Variants in FASTKD2 observed in about 807,000 individuals in gnomAD.
The protein encoded by FASTKD2 is FAST kinase domains 2.
Under a neutral mutation model 63.6 loss-of-function variants are expected in FASTKD2, and 51 were observed. That is an observed-to-expected ratio of 0.80 (90% CI 0.64 to 1.01). FASTKD2 has a LOEUF of 1.01. Among genes scored for constraint, FASTKD2 ranks in the 50% least tolerant of loss-of-function variants. The pLI, the probability that FASTKD2 is intolerant of heterozygous loss-of-function variation, is 0.00. For synonymous variants in FASTKD2, 284 were observed against 293.4 expected, an observed-to-expected ratio of 0.97 and a Z score of 0.33; for missense variants, 786 against 831.1, an observed-to-expected ratio of 0.95 and a Z score of 0.67.
chr2:206,780,739 C>T (rs1289809533), intron 7 of FASTKD2, among the ~76,000 whole-genome samples: 3 of 152,236 alleles, frequency 2.0e-5, no homozygotes, highest in South Asian at 2.1e-4. Context: ...ACCCATAATG[C>T]ACACATTGGT....
At chr2:206,782,421 C>A (rs755658051) in intron 7 of FASTKD2, among the ~76,000 whole-genome samples, 18 of 152,208 alleles carry the variant, frequency 1.2e-4, no homozygotes, top group Non-Finnish European at 2.2e-4. Context: ...GCTGTGAGAA[C>A]TGGACCTTCT....
chr2:206,770,032 G>A (rs1574662970), intron 2 of FASTKD2, 59 bp from the exon 3 acceptor site: 2 of 1,103,940 alleles, frequency 1.8e-6, no homozygotes, highest in East Asian at 4.7e-5. Flanking sequence ...TTTTGCTTGG[G>A]TAAGATAGTT....
chr2:206,786,472 A>G (rs529549552), intron 7 of FASTKD2: 1 of 418,882 alleles, frequency 2.4e-6, no homozygotes, highest in South Asian at 2.4e-5. Flanking sequence ...TTTTTAAATG[A>G]GGAGAATAAT....
rs369390972 is a variant in FASTKD2 at position 206,774,177 on chromosome 2, G to A, written c.1255-48G>A. 4.5e-6 allele frequency: 6 copies of A among 1,327,494 alleles called. No homozygotes were observed. The African/African-American group carries it at 8.6e-5, about 19-fold the overall frequency. The allele number at this position is 1,327,494 out of a possible 1,614,324, so 82.2% of individuals were successfully genotyped here. On this transcript the variant is annotated intron_variant, in intron 6 of 11. Coordinates refer to ENST00000402774, the MANE Select transcript of FASTKD2 (RefSeq NM_001136193.2). ...TTTGAGATCTAAAAAATTACTATTA[G>A]CATACTGTAATTATTATAGAGTTTT...
At chr2:206,766,588 T>C in intron 1 of FASTKD2, 56 bp from the exon 2 acceptor site, 1 of 988,486 alleles carries the variant, frequency 1.0e-6, no homozygotes. Context: ...ATTTCATTTC[T>C]TTAAGTAAAA....
rs150195745 is a variant in FASTKD2 at position 206,767,404 on chromosome 2, C to T, written c.711C>T (p.His237=). The T allele has an allele frequency of 5.9e-5, 95 of 1,613,492 alleles. No individual in the cohort carries two copies. Among genetic ancestry groups the T allele is most frequent in the African/African-American group, 1.2e-4 (9 of 74,936 alleles). The stretch of plus-strand genomic sequence containing the variant: ...ATAAGTACCTACTGTTCAGTCTTCA[C>T]GCCATAGTGAAGCTTGGAATCCCTC... ...MQYKYLLFSL[H]AIVKLGIPQN... Residue 237 remains histidine, a synonymous_variant, in exon 2 of 12, where the codon CAC becomes CAT. Transcript: ENST00000402774.
intron 2 of FASTKD2, among the ~76,000 whole-genome samples, chr2:206,767,844 C>T (rs1380061499): frequency 6.6e-6 from 1 of 152,182 alleles, no homozygotes; most frequent in Non-Finnish European, 1.5e-5. Flanking sequence ...GTAGATGATA[C>T]CTAAACTGAT....
chr2:206,788,672 C>A lies in FASTKD2; in HGVS notation c.1814-147C>A, dbSNP rs528523570. On this transcript the variant is annotated intron_variant, in intron 9 of 11. Coordinates refer to ENST00000402774, the MANE Select transcript of FASTKD2 (RefSeq NM_001136193.2). ...ATTGCTTGAACCTGGGAAGTTGCTGCAGTGAGCTGAGATCACACTACTGCA... is the reference window on the plus strand; with the variant it reads ...ATTGCTTGAACCTGGGAAGTTGCTGAAGTGAGCTGAGATCACACTACTGCA... 1.3e-4 allele frequency: 79 copies of A among 609,108 alleles called. 2 individuals are homozygous for A. The South Asian group carries it at 1.4e-3, about 11-fold the overall frequency. The allele number at this position is 609,108 out of a possible 1,614,324, so 37.7% of individuals were successfully genotyped here.
chr2:206,772,524 C>T (rs1241813781), intron 6 of FASTKD2, among the ~76,000 whole-genome samples: 3 of 152,162 alleles, frequency 2.0e-5, no homozygotes, highest in African/African-American at 7.2e-5. Context: ...CTTAGGATGG[C>T]TTGACTTAAT....
At chr2:206,772,424 C>T in intron 6 of FASTKD2, 104 bp downstream of exon 6, 1 of 1,118,378 alleles carries the variant, frequency 8.9e-7, no homozygotes, top group East Asian at 2.5e-5. Context: ...GTTAAGATAC[C>T]AAAATATTCC....
At chr2:206,789,594 C>T (rs1311913155) in intron 10 of FASTKD2, 1 of 151,856 alleles carries the variant, frequency 6.6e-6, no homozygotes, top group African/African-American at 2.4e-5. Context: ...CCACTGGACA[C>T]ACACACACAC....
At chr2:206,767,495 AT>A (rs750153647) in intron 2 of FASTKD2, 25 bp downstream of exon 2, 2 of 1,575,060 alleles carry the variant, frequency 1.3e-6, no homozygotes, top group South Asian at 2.2e-5. Flanking sequence ...AGATTTAAAC[AT>A]GCATTTACTT....
In FASTKD2 at chr2:206,795,394, C is replaced by T. The variant is rs564472346; in HGVS notation, c.*3592C>T. On this transcript the variant is annotated 3_prime_UTR_variant, in exon 12 of 12. Coordinates refer to ENST00000402774, the MANE Select transcript of FASTKD2 (RefSeq NM_001136193.2). Reference sequence around the variant, plus strand: ...GACTACAGGTGCCCACCTCCATGCCCGGCTAATTTTTGTATTTTTAGCAGA... The same window carrying T: ...GACTACAGGTGCCCACCTCCATGCCTGGCTAATTTTTGTATTTTTAGCAGA... Among the ~76,000 whole-genome samples, 55 of 152,290 alleles carry T rather than the reference C, an allele frequency of 3.6e-4. No individual in the cohort carries two copies. The highest frequency in any genetic ancestry group is 2.3e-3 in the South Asian group (11 of 4,822).
At chr2:206,771,841 T>TA in intron 4 of FASTKD2, 53 bp from the exon 5 acceptor site, 2 of 1,406,672 alleles carry the variant, frequency 1.4e-6, no homozygotes, top group East Asian at 4.8e-5. Context: ...AATAAAAGTT[T>TA]AATTTATTTT....
In FASTKD2 at chr2:206,777,768, T is replaced by C. The variant is rs183043838; in HGVS notation, c.1427+3371T>C. ...GTTTGGTTGACTTCAGCAATGAAGC[T>C]ATCTAGTCCTGGCCTTTTTCATTGT... is the stretch of plus-strand genomic sequence containing the variant. On this transcript the variant is annotated intron_variant, in intron 7 of 11. Coordinates refer to ENST00000402774, the MANE Select transcript of FASTKD2 (RefSeq NM_001136193.2). Among the ~76,000 whole-genome samples the C allele has an allele frequency of 2.3e-3, 347 of 152,356 alleles. 2 individuals are homozygous for C. The highest frequency in any genetic ancestry group is 7.9e-3 in the African/African-American group (327 of 41,582).
At chr2:206,790,895 C>G in intron 11 of FASTKD2, 1 of 537,686 alleles carries the variant, frequency 1.9e-6, no homozygotes. Flanking sequence ...ATTACTAGAG[C>G]TTTTACAAAT....
At chr2:206,768,426 T>C (rs1689582698) in intron 2 of FASTKD2, among the ~76,000 whole-genome samples, 1 of 152,084 alleles carries the variant, frequency 6.6e-6, no homozygotes, top group Non-Finnish European at 1.5e-5. Flanking sequence ...CTTAGCCAGG[T>C]GTGGTGGCTC....
rs1184165725 is a variant in FASTKD2 at position 206,770,827 on chromosome 2, C to T, written c.882-355C>T. Among the ~76,000 whole-genome samples, 4 of 151,586 alleles carry T rather than the reference C, an allele frequency of 2.6e-5. No individual in the cohort carries two copies. In the South Asian group the frequency reaches 6.3e-4, roughly 24 times the overall value. Reference sequence around the variant, plus strand: ...TATTCGGGGACTATGTGAGGGTTGACGTTGACCCAGCTTGAAAAGGGATTT... The same window carrying T: ...TATTCGGGGACTATGTGAGGGTTGATGTTGACCCAGCTTGAAAAGGGATTT... On this transcript the variant is annotated intron_variant, in intron 3 of 11. Transcript: ENST00000402774.
At position 206,787,991 on chromosome 2, in the gene FASTKD2, A is replaced by C. The variant is rs762135969; in HGVS notation, c.1649A>C (p.Asp550Ala). Residue 550 changes from aspartate to alanine, a missense_variant, in exon 9 of 12, where the codon GAT becomes GCT. Transcript: ENST00000402774. The stretch of plus-strand genomic sequence containing the variant: ...ACTTTGGATACTTGTCTAAAACTTG[A>C]TGATACTGTCTATCTGAGGGACATA... ...LHTLDTCLKL[D>A]DTVYLRDIAL... 1 of 1,613,796 alleles carries C rather than the reference A, an allele frequency of 6.2e-7. No individual in the cohort carries two copies. The highest frequency in any genetic ancestry group is 8.5e-7 in the Non-Finnish European group (1 of 1,179,766).
Sources: allele counts gnomAD v4.1 joint callset (sites outside exome capture counted in the v4.1 genomes callset), GRCh38; gene constraint gnomAD v4.1.1; transcripts MANE v1.5; gene names NCBI Gene and HGNC (gene_info 2026-07-23, HGNC 2026-07-21).